COL27A1: variants seen among roughly 807,000 people sequenced by gnomAD.
The protein encoded by COL27A1 is collagen type XXVII alpha 1 chain.
A neutral mutation model predicts 251.3 loss-of-function variants in COL27A1; 106 were observed. The observed-to-expected ratio is 0.42, with a 90% CI of 0.36 to 0.50. The LOEUF is 0.50. COL27A1 is among the 20% of genes least tolerant of loss of function. The pLI, the probability that COL27A1 is intolerant of heterozygous loss-of-function variation, is 0.00. For missense variants in COL27A1, 2,325 were observed against 2,522.8 expected, an observed-to-expected ratio of 0.92 and a Z score of 1.68; for synonymous variants, 1,000 against 986.3, an observed-to-expected ratio of 1.01 and a Z score of -0.26.
At chr9:114,296,767 G>T (rs1228012383) in intron 49 of COL27A1, among the ~76,000 whole-genome samples, 1 of 152,130 alleles carries the variant, frequency 6.6e-6, no homozygotes, top group Non-Finnish European at 1.5e-5. Flanking sequence ...GTGCTTAGCA[G>T]CTTTATTTAT....
At chr9:114,258,944 C>T (rs1172192996) in intron 28 of COL27A1, among the ~76,000 whole-genome samples, 3 of 152,230 alleles carry the variant, frequency 2.0e-5, no homozygotes, top group African/African-American at 7.2e-5. Flanking sequence ...ACAGACATAA[C>T]CCCTGCCTGC....
At chr9:114,224,307 C>G (rs906623465) in intron 14 of COL27A1, among the ~76,000 whole-genome samples, 6 of 152,206 alleles carry the variant, frequency 3.9e-5, no homozygotes, top group African/African-American at 1.4e-4. Context: ...AAGTCCCTCC[C>G]TCTGTGGGAG....
At chr9:114,162,028 C>G (rs1256324622) in intron 1 of COL27A1, among the ~76,000 whole-genome samples, 1 of 152,200 alleles carries the variant, frequency 6.6e-6, no homozygotes, top group South Asian at 2.1e-4. Context: ...GCAACTCATT[C>G]GGGGTCATAC....
At chr9:114,301,258 T>A (rs1352446314) in intron 52 of COL27A1, 26 bp from the exon 53 acceptor site, 2 of 1,611,896 alleles carry the variant, frequency 1.2e-6, no homozygotes, top group East Asian at 4.5e-5. Flanking sequence ...CTGGGCCCTG[T>A]CTCACTGGGC....
At position 114,306,698 on chromosome 9, in the gene COL27A1, C is replaced by T. The variant is rs774471629; in HGVS notation, c.5107+10C>T. The T allele has an allele frequency of 1.2e-6, 2 of 1,610,138 alleles. No individual in the cohort carries two copies. Among genetic ancestry groups the T allele is most frequent in the East Asian group, 2.2e-5 (1 of 44,846 alleles). On this transcript the variant is annotated intron_variant, in intron 58 of 60. Transcript: ENST00000356083. Reference sequence around the variant, plus strand: ...CAGAAGATGGTGGATGGTGAGAAGGCTTCCTGCCGGGGGTGGGTGCGCCTG... The same window carrying T: ...CAGAAGATGGTGGATGGTGAGAAGGTTTCCTGCCGGGGGTGGGTGCGCCTG...
chr9:114,216,627 CCTTT>C (rs1461780332), intron 12 of COL27A1, among the ~76,000 whole-genome samples: 1 of 152,134 alleles, frequency 6.6e-6, no homozygotes, highest in East Asian at 1.9e-4. Context: ...CGTCTCGGGT[CCTTT>C]CATCCTTAGA....
At chr9:114,300,817 T>G in intron 51 of COL27A1, 130 bp downstream of exon 51, 1 of 808,730 alleles carries the variant, frequency 1.2e-6, no homozygotes, top group Non-Finnish European at 1.9e-6. Flanking sequence ...ACAGGCCTGG[T>G]TCCCACCTTC....
chr9:114,257,569 C>T (rs1406508672), intron 27 of COL27A1, among the ~76,000 whole-genome samples: 2 of 151,894 alleles, frequency 1.3e-5, no homozygotes, highest in East Asian at 3.9e-4. Context: ...CTCTCTTGCC[C>T]CTCTTGTCGT....
intron 27 of COL27A1, 122 bp from the exon 28 acceptor site, chr9:114,258,419 A>G: frequency 1.0e-6 from 1 of 953,438 alleles, no homozygotes. Context: ...GGGCCCCGGC[A>G]GCTTCTGAAC....
At chr9:114,286,574 G>C (rs1342684795) in intron 41 of COL27A1, among the ~76,000 whole-genome samples, 1 of 152,106 alleles carries the variant, frequency 6.6e-6, no homozygotes, top group Non-Finnish European at 1.5e-5. Context: ...TGAGACTCTG[G>C]GACTTGGACA....
At chr9:114,265,350 G>A in intron 31 of COL27A1, 72 bp from the exon 32 acceptor site, 1 of 1,504,414 alleles carries the variant, frequency 6.6e-7, no homozygotes, top group Middle Eastern at 1.7e-4. Flanking sequence ...CACTAGGATG[G>A]CTTGCTTGAA....
At chr9:114,220,567 A>ATAG (rs1401489127) in intron 13 of COL27A1, among the ~76,000 whole-genome samples, 1 of 152,198 alleles carries the variant, frequency 6.6e-6, no homozygotes, top group Admixed American at 6.5e-5. Context: ...CTTGGGGATT[A>ATAG]TAGCCTTGAC....
chr9:114,177,035 G>A (rs1372317953), intron 3 of COL27A1, among the ~76,000 whole-genome samples: 5 of 152,154 alleles, frequency 3.3e-5, no homozygotes, highest in South Asian at 2.1e-4. Context: ...ACACATCCTC[G>A]AAAGCCTGGC....
In COL27A1 at chr9:114,309,231, AGCCGCTCACT is replaced by A. The variant is rs529746417; in HGVS notation, c.5218-24_5218-15del. On this transcript the variant is annotated intron_variant, in intron 59 of 60. Coordinates refer to ENST00000356083, the MANE Select transcript of COL27A1 (RefSeq NM_032888.4). The stretch of plus-strand genomic sequence containing the variant: ...TGTGGGGGGTGTGGGGGGCAGCCTG[AGCCGCTCACT>A]GCCGTTGCTTCTCTATAGGTCGAGT... 1.7e-4 allele frequency: 272 copies of A among 1,603,524 alleles called. No individual in the cohort carries two copies. The East Asian group carries it at 5.4e-3, about 32-fold the overall frequency.
At position 114,275,748 on chromosome 9, in the gene COL27A1, C is replaced by T. The variant is rs1455689548; in HGVS notation, c.3697C>T (p.Pro1233Ser). ...GGGTGAGGACGGGCCCCCCGGCCCC[C>T]CTGGCGTCACTGGTGTCCGGGTGAG... ...LMGEDGPPGPPGVTGVRGPEG... is the reference protein window; with the variant it reads ...LMGEDGPPGPSGVTGVRGPEG... The change falls in exon 37 of 61, where the codon CCT becomes TCT. Residue 1233 changes from proline (P) to serine (S), a missense_variant. Coordinates refer to ENST00000356083, the MANE Select transcript of COL27A1 (RefSeq NM_032888.4). The T allele has an allele frequency of 3.2e-6, 5 of 1,548,348 alleles. No individual in the cohort carries two copies. Among genetic ancestry groups the T allele is most frequent in the Non-Finnish European group, 4.4e-6 (5 of 1,146,438 alleles).
At chr9:114,255,755 C>T (rs1464384505) in intron 27 of COL27A1, among the ~76,000 whole-genome samples, 1 of 152,166 alleles carries the variant, frequency 6.6e-6, no homozygotes, top group Non-Finnish European at 1.5e-5. Context: ...TCCCTTGGAT[C>T]TCTTGGGGTT....
At chr9:114,232,489 T>C (rs141779396) in intron 16 of COL27A1, among the ~76,000 whole-genome samples, 1 of 152,180 alleles carries the variant, frequency 6.6e-6, no homozygotes, top group Admixed American at 6.5e-5. Context: ...CCAGCACTTG[T>C]GCCCTGCTCT....
chr9:114,155,979 G>C lies in COL27A1; in HGVS notation c.29G>C (p.Arg10Pro), dbSNP rs955216939. ...GGAGCGGGATCGGCGCGGGGGGCCC[G>C]AGGCACAGCGGCGGCGGCGGCGGCG... MGAGSARGA[R>P]GTAAAAAARG... The change falls in exon 1 of 61, where the codon CGA (arginine) becomes CCA (proline). Residue 10 changes from arginine to proline, a missense_variant. Arg to Pro is a moderately radical substitution (Grantham distance 103). Coordinates refer to ENST00000356083, the MANE Select transcript of COL27A1 (RefSeq NM_032888.4). The surrounding 1 kb of genome is among the most constrained non-coding windows in gnomAD (Gnocchi z 5.5). 9 of 1,294,022 alleles carry C rather than the reference G, an allele frequency of 7.0e-6. No individual in the cohort carries two copies. Among genetic ancestry groups the C allele is most frequent in the Non-Finnish European group, 8.8e-6 (9 of 1,018,214 alleles). 80.2% of individuals were successfully genotyped at this position (1,294,022 alleles called of 1,614,324 possible). A position where few individuals can be genotyped will look rare whatever the true frequency, so the allele number is the denominator to read the frequency against.
intron 41 of COL27A1, among the ~76,000 whole-genome samples, chr9:114,285,726 C>T (rs1013822803): frequency 1.3e-5 from 2 of 152,244 alleles, no homozygotes; most frequent in African/African-American, 4.8e-5. Context: ...AGGTGCCACT[C>T]AGTACCCCGG....
Sources: allele counts gnomAD v4.1 joint callset (sites outside exome capture counted in the v4.1 genomes callset), GRCh38; gene constraint gnomAD v4.1.1; non-coding constraint Gnocchi (gnomAD v3.1); transcripts MANE v1.5; gene names NCBI Gene and HGNC (gene_info 2026-07-23, HGNC 2026-07-21).